The following PIWIL1 variants were observed in gnomAD, a reference collection of about 807,000 sequenced individuals.
PIWIL1 encodes piwi like RNA-mediated gene silencing 1, also known as piwi-like protein 1.
PIWIL1 carries 73 observed loss-of-function variants against 114.4 expected under a neutral mutation model. The observed-to-expected ratio is 0.64, with a 90% CI of 0.53 to 0.78. PIWIL1 has a LOEUF of 0.78. PIWIL1 is among the 30% of genes least tolerant of loss of function. The probability of loss-of-function intolerance (pLI) is 0.00; values close to 1 mark genes in which losing one functional copy is unlikely to be tolerated. For synonymous variants in PIWIL1, 375 were observed against 369.0 expected, an observed-to-expected ratio of 1.02 and a Z score of -0.19; for missense variants, 723 against 1,063.1, an observed-to-expected ratio of 0.68 and a Z score of 4.45.
chr12:130,371,175 G>C lies in PIWIL1; in HGVS notation c.2322-1G>C, dbSNP rs1224774404. ...CATCCGTGTGTTTTCTGTAATTCCA[G>C]GTATGACTTTTTTATCGTGAGCCAG... On this transcript the variant is annotated splice_acceptor_variant, in intron 19 of 20. Coordinates refer to ENST00000245255, the MANE Select transcript of PIWIL1 (RefSeq NM_004764.5). LOFTEE classifies it high-confidence loss of function. The C allele has an allele frequency of 3.1e-6, 5 of 1,613,958 alleles. No individual in the cohort carries two copies. The South Asian group carries it at 4.4e-5, about 14-fold the overall frequency.
intron 19 of PIWIL1, among the ~76,000 whole-genome samples, chr12:130,369,638 G>T (rs1383485964): frequency 6.6e-6 from 1 of 152,134 alleles, no homozygotes; most frequent in African/African-American, 2.4e-5. Flanking sequence ...TTTCTCTAAT[G>T]ATCAGTGATG....
At chr12:130,359,127 C>A (rs2073444239) in intron 14 of PIWIL1, among the ~76,000 whole-genome samples, 1 of 152,202 alleles carries the variant, frequency 6.6e-6, no homozygotes, top group Admixed American at 6.5e-5. Context: ...TGGTCTGTAT[C>A]TAGAGTGTAG....
chr12:130,388,075 C>T, the PIWIL1 span, among the ~76,000 whole-genome samples: 4 of 152,122 alleles, frequency 2.6e-5, no homozygotes, highest in African/African-American at 4.8e-5. Context: ...AATGCATAGT[C>T]GTTTTCCACC....
the PIWIL1 span, among the ~76,000 whole-genome samples, chr12:130,420,258 T>C: frequency 6.6e-6 from 1 of 152,164 alleles, no homozygotes; most frequent in Non-Finnish European, 1.5e-5. This position sits in a 1 kb window ranked among gnomAD's most constrained non-coding sequence, Gnocchi z 4.3. Context: ...AGATGTGTAT[T>C]TGTGTGTAAA....
chr12:130,390,274 G>T, the PIWIL1 span, among the ~76,000 whole-genome samples: 19 of 152,254 alleles, frequency 1.2e-4, 1 homozygote, highest in African/African-American at 4.6e-4. Flanking sequence ...GTGAGACAGT[G>T]GTCCACTGTC....
intron 9 of PIWIL1, among the ~76,000 whole-genome samples, chr12:130,353,402 C>A (rs577844212): frequency 6.7e-6 from 1 of 148,738 alleles, no homozygotes; most frequent in Non-Finnish European, 1.5e-5. Context: ...TTTTGTTCTT[C>A]TGGTGTGCTC....
chr12:130,424,194 C>T, the PIWIL1 span: 1 of 1,232,050 alleles, frequency 8.1e-7, no homozygotes, highest in Non-Finnish European at 1.0e-6. This position sits in a 1 kb window ranked among gnomAD's most constrained non-coding sequence, Gnocchi z 9.8. Context: ...GGCAGCTGCC[C>T]TACTGTCGGG....
chr12:130,354,515 G>GACCCTTTCGTCTCTTGAGCAGCA, intron 9 of PIWIL1, 22 bp from the exon 10 acceptor site: 1 of 1,613,634 alleles, frequency 6.2e-7, no homozygotes, highest in Non-Finnish European at 8.5e-7. Context: ...CGTGAACAGC[G>GACCCTTTCGTCTCTTGAGCAGCA]ACCCTTTCGT....
the PIWIL1 span, among the ~76,000 whole-genome samples, chr12:130,389,444 A>G: frequency 1.4e-4 from 21 of 151,948 alleles, no homozygotes; most frequent in Admixed American, 4.6e-4. Context: ...AAATTTAACT[A>G]TTACTTTGGT....
the PIWIL1 span, chr12:130,422,595 C>T: frequency 1.3e-5 from 19 of 1,467,782 alleles, no homozygotes; most frequent in South Asian, 6.0e-5. This position sits in a 1 kb window ranked among gnomAD's most constrained non-coding sequence, Gnocchi z 5.2. Flanking sequence ...TCGTAAGTCT[C>T]GCCAGCATTG....
chr12:130,418,754 G>A, the PIWIL1 span, among the ~76,000 whole-genome samples: 2 of 152,152 alleles, frequency 1.3e-5, no homozygotes, highest in Non-Finnish European at 2.9e-5. Context: ...TATAGCCTAC[G>A]TAAGAGTGCA....
chr12:130,355,232 C>A (rs2073331773), intron 11 of PIWIL1, among the ~76,000 whole-genome samples: 1 of 152,200 alleles, frequency 6.6e-6, no homozygotes, highest in Non-Finnish European at 1.5e-5. Context: ...CTTTCTAACT[C>A]TTCCATTAGC....
downstream of PIWIL1, among the ~76,000 whole-genome samples, chr12:130,375,522 C>G (rs996743870): frequency 1.3e-5 from 2 of 152,186 alleles, no homozygotes; most frequent in Non-Finnish European, 2.9e-5. Context: ...GGTGTTGTGG[C>G]GGCACGCACG....
chr12:130,371,043 G>C, intron 19 of PIWIL1, 133 bp from the exon 20 acceptor site: 1 of 742,914 alleles, frequency 1.3e-6, no homozygotes. Flanking sequence ...AAGGAAGCAC[G>C]TTACAGCGTG....
At chr12:130,368,720 G>T (rs1435159420) in intron 19 of PIWIL1, among the ~76,000 whole-genome samples, 1 of 152,012 alleles carries the variant, frequency 6.6e-6, no homozygotes, top group Non-Finnish European at 1.5e-5. Flanking sequence ...TACTCCTAAC[G>T]CCAAAGCCCA....
rs140805543 is a variant in PIWIL1, at chr12:130,343,874, G to A, written c.190+773G>A. On this transcript the variant is annotated intron_variant, in intron 3 of 20. Coordinates refer to ENST00000245255, the MANE Select transcript of PIWIL1 (RefSeq NM_004764.5). The stretch of plus-strand genomic sequence containing the variant: ...GATCTCCTGACCTCGTGATCCTCCC[G>A]GCTTAGCCTCCCAAAGTGCTGGGAT... Among the ~76,000 whole-genome samples, 372 of 152,166 alleles carry A rather than the reference G, an allele frequency of 2.4e-3. 1 individual carries two copies. Among genetic ancestry groups the A allele is most frequent in the African/African-American group, 8.5e-3 (354 of 41,518 alleles).
Position 130,357,022 on chromosome 12 carries a change from A to C in PIWIL1, c.1509A>C (p.Arg503Ser). ...ACTGGCTGTTGATCTATACGCGAAG[A>C]AATTATGAAGCAGCCAATTCATTGA... is the stretch of plus-strand genomic sequence containing the variant. ...LDNWLLIYTR[R>S]NYEAANSLIQ... Residue 503 changes from arginine to serine, a missense_variant, in exon 13 of 21, where the codon AGA (arginine) becomes AGC (serine). This residue lies in a region of PIWIL1 where 298 missense variants were observed against 420.8 expected (regional missense o/e 0.71). Transcript: ENST00000245255. The C allele has an allele frequency of 6.2e-7, 1 of 1,613,896 alleles. No individual in the cohort carries two copies. The highest frequency in any genetic ancestry group is 8.5e-7 in the Non-Finnish European group (1 of 1,179,882).
chr12:130,404,052 G>A, the PIWIL1 span, among the ~76,000 whole-genome samples: 40 of 152,178 alleles, frequency 2.6e-4, no homozygotes, highest in African/African-American at 8.9e-4. Flanking sequence ...ATTCAGAATC[G>A]TTCTAAGTGA....
Position 130,351,542 on chromosome 12 carries a change from C to T in PIWIL1, c.1044+1575C>T, listed in dbSNP as rs936784896. 2.6e-5 allele frequency: 4 copies of T among 152,328 alleles called. No individual in the cohort carries two copies. The South Asian group carries it at 6.2e-4, about 24-fold the overall frequency. 9.4% of individuals were successfully genotyped at this position (152,328 alleles called of 1,614,324 possible). On this transcript the variant is annotated intron_variant, in intron 9 of 20. Coordinates refer to ENST00000245255, the MANE Select transcript of PIWIL1 (RefSeq NM_004764.5). ...TTGAATGTGTTCTGTCTTCTCAACA[C>T]GGCCCCTACTCGGTGCTCTTGGTCA... is the stretch of plus-strand genomic sequence containing the variant.
Sources: gnomAD v4.1 joint callset for allele counts (sites outside exome capture counted in the v4.1 genomes callset) on GRCh38, gnomAD v4.1.1 for gene constraint, gnomAD v4.1.1 regional missense constraint, Gnocchi (gnomAD v3.1) non-coding constraint, MANE v1.5 for transcripts, NCBI Gene and HGNC (gene_info 2026-07-23, HGNC 2026-07-21) for gene names.